GRAMD2B: variants seen among roughly 807,000 people sequenced by gnomAD.
GRAMD2B encodes the protein GRAM domain containing 2B.
GRAMD2B carries 41 observed loss-of-function variants against 59.2 expected under a neutral mutation model. The observed-to-expected ratio is 0.69, with a 90% CI of 0.54 to 0.90. The LOEUF (loss-of-function observed/expected upper bound fraction) is 0.90. Among genes scored for constraint, GRAMD2B ranks in the 40% least tolerant of loss-of-function variants. The pLI, the probability that GRAMD2B is intolerant of heterozygous loss-of-function variation, is 0.00. For synonymous variants in GRAMD2B, 161 were observed against 182.7 expected (o/e 0.88, Z 0.96); for missense variants, 424 against 500.5 (o/e 0.85, Z 1.46).
intron 1 of GRAMD2B, among the ~76,000 whole-genome samples, chr5:126,441,968 A>C (rs547331398): frequency 2.0e-5 from 3 of 152,166 alleles, no homozygotes; most frequent in Admixed American, 2.0e-4. Context: ...TCTGGCTAAA[A>C]CACATTTTTA....
chr5:126,411,791 T>G (rs1425202741), intron 1 of GRAMD2B, among the ~76,000 whole-genome samples: 1 of 151,804 alleles, frequency 6.6e-6, no homozygotes, highest in Admixed American at 6.6e-5. Context: ...TGCAGTGTTT[T>G]ATAGTTCTCC....
chr5:126,379,040 C>T (rs754891657), intron 1 of GRAMD2B, among the ~76,000 whole-genome samples: 4 of 151,992 alleles, frequency 2.6e-5, no homozygotes, highest in Admixed American at 1.3e-4. Context: ...ATGTGTAGTC[C>T]TTTATCCCTC....
chr5:126,435,198 C>A (rs1424046969), intron 1 of GRAMD2B, among the ~76,000 whole-genome samples: 1 of 152,074 alleles, frequency 6.6e-6, no homozygotes, highest in African/African-American at 2.4e-5. Context: ...GGGATGCATA[C>A]CCACATAACT....
intron 5 of GRAMD2B, among the ~76,000 whole-genome samples, chr5:126,474,777 A>G (rs1307998136): frequency 6.6e-6 from 1 of 152,232 alleles, no homozygotes; most frequent in Non-Finnish European, 1.5e-5. Context: ...CTACCTAAGA[A>G]CTGATAAAAA....
chr5:126,426,145 T>C (rs1157415244), intron 1 of GRAMD2B, among the ~76,000 whole-genome samples: 1 of 151,944 alleles, frequency 6.6e-6, no homozygotes, highest in African/African-American at 2.4e-5. Context: ...CAATTAAAAA[T>C]AATATTAATT....
intron 13 of GRAMD2B, among the ~76,000 whole-genome samples, chr5:126,491,616 A>C (rs941776119): frequency 8.5e-5 from 13 of 152,186 alleles, no homozygotes; most frequent in African/African-American, 2.9e-4. Flanking sequence ...CACCCATAGG[A>C]CATCACAGAC....
chr5:126,466,941 G>A (rs1475051557), intron 2 of GRAMD2B, among the ~76,000 whole-genome samples: 1 of 152,192 alleles, frequency 6.6e-6, no homozygotes, highest in African/African-American at 2.4e-5. Context: ...CAGTTGGAAA[G>A]GGCCCACACT....
intron 1 of GRAMD2B, among the ~76,000 whole-genome samples, chr5:126,380,840 G>A (rs1177639369): frequency 3.3e-5 from 5 of 151,932 alleles, no homozygotes; most frequent in African/African-American, 7.3e-5. Flanking sequence ...ATCATATCAC[G>A]GGCAAACAGT....
At chr5:126,476,984 G>T (rs1015694844) in intron 5 of GRAMD2B, among the ~76,000 whole-genome samples, 1 of 152,192 alleles carries the variant, frequency 6.6e-6, no homozygotes, top group Non-Finnish European at 1.5e-5. Context: ...AGTAGGTCAT[G>T]TAGATACAGG....
chr5:126,480,391 GAACTCTC>G, intron 6 of GRAMD2B, 58 bp from the exon 7 acceptor site: 1 of 1,182,728 alleles, frequency 8.5e-7, no homozygotes, highest in South Asian at 1.3e-5. Flanking sequence ...ATACTTTTCT[GAACTCTC>G]AACTCTCACT....
At chr5:126,398,104 G>A (rs1456717108) in intron 1 of GRAMD2B, among the ~76,000 whole-genome samples, 2 of 146,198 alleles carry the variant, frequency 1.4e-5, no homozygotes, top group Non-Finnish European at 1.5e-5. Context: ...GCTCACTGCA[G>A]CGTCAACCTT....
Position 126,484,687 on chromosome 5 carries a change from G to A in GRAMD2B, c.970+163G>A, listed in dbSNP as rs111824486. 2.0e-3 allele frequency among the ~76,000 whole-genome samples: 298 copies of A among 151,950 alleles called. 2 individuals carry two copies. Among genetic ancestry groups the A allele is most frequent in the Middle Eastern group, 6.8e-3 (2 of 294 alleles). On this transcript the variant is annotated intron_variant, in intron 10 of 13. Transcript: ENST00000285689. ...CAACCTCTGCCTCTTGGATTCAAGCGATTCTCGTACCTCAGCCTCCTGAGT... is the reference window on the plus strand; with the variant it reads ...CAACCTCTGCCTCTTGGATTCAAGCAATTCTCGTACCTCAGCCTCCTGAGT...
At chr5:126,404,039 TAGA>T (rs765423669) in intron 1 of GRAMD2B, among the ~76,000 whole-genome samples, 1 of 151,962 alleles carries the variant, frequency 6.6e-6, no homozygotes, top group Non-Finnish European at 1.5e-5. Context: ...TCCACATTTT[TAGA>T]AGGTTTGTCA....
intron 1 of GRAMD2B, among the ~76,000 whole-genome samples, chr5:126,418,166 G>T (rs1759416774): frequency 6.6e-6 from 1 of 152,074 alleles, no homozygotes; most frequent in South Asian, 2.1e-4. Context: ...AGACCAAAGA[G>T]CCCTGGCCTC....
chr5:126,438,254 T>G (rs747272524), intron 1 of GRAMD2B, among the ~76,000 whole-genome samples: 9 of 152,112 alleles, frequency 5.9e-5, no homozygotes, highest in Non-Finnish European at 1.3e-4. Context: ...AAAGTTTTGT[T>G]TTTTAGGTGA....
chr5:126,492,260 G>A (rs1309631631), intron 13 of GRAMD2B, among the ~76,000 whole-genome samples: 1 of 152,172 alleles, frequency 6.6e-6, no homozygotes, highest in African/African-American at 2.4e-5. Context: ...CAAATGGGTT[G>A]TGTAAAGACC....
chr5:126,465,702 T>C (rs6860957), intron 2 of GRAMD2B, among the ~76,000 whole-genome samples, 157 bp downstream of exon 2: 101,215 of 152,088 alleles, frequency 0.67, 34,146 homozygotes, highest in East Asian at 0.81. Context: ...GATACCCAGG[T>C]AGCATCTTTT....
intron 1 of GRAMD2B, among the ~76,000 whole-genome samples, chr5:126,361,132 A>C (rs993912879): frequency 1.3e-5 from 2 of 152,228 alleles, no homozygotes; most frequent in African/African-American, 4.8e-5. Context: ...TATTCTGACT[A>C]TAATTGCTTT....
At chr5:126,467,129 A>C (rs1768590278) in intron 2 of GRAMD2B, among the ~76,000 whole-genome samples, 1 of 152,090 alleles carries the variant, frequency 6.6e-6, no homozygotes, top group Non-Finnish European at 1.5e-5. Context: ...ATCTCTACTA[A>C]AAATAAAAAA....
Sources: gnomAD v4.1 joint callset for allele counts (sites outside exome capture counted in the v4.1 genomes callset) on GRCh38, gnomAD v4.1.1 for gene constraint, MANE v1.5 for transcripts, NCBI Gene and HGNC (gene_info 2026-07-23, HGNC 2026-07-21) for gene names.